MSI2: variants seen among roughly 807,000 people sequenced by gnomAD.
MSI2 encodes musashi RNA binding protein 2.
Under a neutral mutation model 45.6 loss-of-function variants are expected in MSI2, and 17 were observed. The ratio of observed to expected loss-of-function variants is 0.37; its 90% confidence interval spans 0.26 to 0.56. MSI2 has a LOEUF of 0.56. MSI2 is among the 20% of genes least tolerant of loss of function. The probability of loss-of-function intolerance (pLI) is 0.77; values close to 1 mark genes in which losing one functional copy is unlikely to be tolerated. For synonymous variants in MSI2, 156 were observed against 158.2 expected, an observed-to-expected ratio of 0.99 and a Z score of 0.11; for missense variants, 293 against 444.2, an observed-to-expected ratio of 0.66 and a Z score of 3.06.
intron 10 of MSI2, among the ~76,000 whole-genome samples, chr17:57,642,210 T>G (rs1394730697): frequency 1.3e-5 from 2 of 152,166 alleles, no homozygotes; most frequent in Non-Finnish European, 2.9e-5. Context: ...GCTCAGTAGT[T>G]TTTTTTAACT....
Position 57,679,768 on chromosome 17 carries a change from G to T in MSI2, c.*251G>T, listed in dbSNP as rs11538393. On this transcript the variant is annotated 3_prime_UTR_variant, in exon 14 of 14. Coordinates refer to ENST00000284073, the MANE Select transcript of MSI2 (RefSeq NM_138962.4). ...GTATATAACCCATGATTTCGGTTTT[G>T]TTTTGTTTTGTTTTTCTTGATGGTT... The T allele has an allele frequency of 3.5e-6, 1 of 286,858 alleles. No homozygotes were observed. The highest frequency in any genetic ancestry group is 6.0e-6 in the Non-Finnish European group (1 of 167,228). The allele number at this position is 286,858 out of a possible 1,614,324, so 17.8% of individuals were successfully genotyped here.
At chr17:57,445,766 C>T (rs2084887877) in intron 6 of MSI2, among the ~76,000 whole-genome samples, 2 of 152,094 alleles carry the variant, frequency 1.3e-5, no homozygotes, top group South Asian at 2.1e-4. Flanking sequence ...TACCAGTGTT[C>T]CCCGGAGGTG....
intron 7 of MSI2, among the ~76,000 whole-genome samples, chr17:57,547,173 G>A (rs1002368689): frequency 6.6e-5 from 10 of 152,196 alleles, no homozygotes; most frequent in Non-Finnish European, 1.0e-4. Flanking sequence ...TGATGTGTTG[G>A]TAGGACAGGT....
chr17:57,597,697 G>T (rs17834681), intron 8 of MSI2, among the ~76,000 whole-genome samples: 22 of 152,094 alleles, frequency 1.4e-4, no homozygotes, highest in Admixed American at 2.0e-4. Context: ...CAGGCAGAAG[G>T]GCGGGATTTG....
chr17:57,683,632 C>G lies in MSI2; in HGVS notation c.*4115C>G. On this transcript the variant is annotated 3_prime_UTR_variant, in exon 14 of 14. Coordinates refer to ENST00000284073, the MANE Select transcript of MSI2 (RefSeq NM_138962.4). This position sits in a 1 kb window ranked among gnomAD's most constrained non-coding sequence, Gnocchi z 5.2. ...TTCTCTTTATTGGTTGCAAGTGGCA[C>G]GCAGGAACAGAGGGAGAGTGGGGGG... The G allele has an allele frequency of 4.3e-6, 1 of 231,324 alleles. No homozygotes were observed. Among genetic ancestry groups the G allele is most frequent in the East Asian group, 6.1e-5 (1 of 16,400 alleles). The allele number at this position is 231,324 out of a possible 1,614,324, so 14.3% of individuals were successfully genotyped here.
intron 10 of MSI2, among the ~76,000 whole-genome samples, chr17:57,645,899 T>C (rs1910618650): frequency 6.6e-6 from 1 of 152,194 alleles, no homozygotes; most frequent in Admixed American, 6.5e-5. Flanking sequence ...CCATTTGCCA[T>C]AGCTGTGTCC....
chr17:57,690,211 A>G, the MSI2 span, among the ~76,000 whole-genome samples: 1 of 131,418 alleles, frequency 7.6e-6, no homozygotes, highest in Non-Finnish European at 1.6e-5. Context: ...TGTGATTTTT[A>G]TTTGTATTTC....
At chr17:57,594,007 G>A (rs1021411907) in intron 7 of MSI2, among the ~76,000 whole-genome samples, 2 of 152,208 alleles carry the variant, frequency 1.3e-5, no homozygotes, top group African/African-American at 2.4e-5. Context: ...AAGGAAGAGC[G>A]GAATCAGTCT....
chr17:57,622,461 G>A (rs1040789802), intron 9 of MSI2, among the ~76,000 whole-genome samples: 4 of 152,146 alleles, frequency 2.6e-5, no homozygotes, highest in African/African-American at 4.8e-5. Flanking sequence ...ATGCTGATAC[G>A]AGTGTTAGAG....
At chr17:57,648,458 C>T (rs8074795) in intron 10 of MSI2, among the ~76,000 whole-genome samples, 102,079 of 152,026 alleles carry the variant, frequency 0.67, 34,897 homozygotes, top group African/African-American at 0.78. Context: ...AGCTAGTAAG[C>T]GGCTGAGCCA....
chr17:57,456,926 T>TGAACCCG (rs1176049681), intron 6 of MSI2, among the ~76,000 whole-genome samples: 2 of 152,200 alleles, frequency 1.3e-5, no homozygotes, highest in African/African-American at 4.8e-5. Context: ...CCAATCTCCA[T>TGAACCCG]GCACCCGGGT....
At chr17:57,363,774 A>ACG (rs1464889076) in intron 5 of MSI2, among the ~76,000 whole-genome samples, 2 of 113,022 alleles carry the variant, frequency 1.8e-5, no homozygotes, top group African/African-American at 1.0e-4. Flanking sequence ...AACAACAACA[A>ACG]ACAACAACAA....
At chr17:57,286,529 T>G (rs1207089228) in intron 5 of MSI2, among the ~76,000 whole-genome samples, 1 of 151,836 alleles carries the variant, frequency 6.6e-6, no homozygotes, top group African/African-American at 2.4e-5. Flanking sequence ...TCTGGAGTGT[T>G]TAAGAGGTAA....
intron 5 of MSI2, among the ~76,000 whole-genome samples, chr17:57,397,858 G>C (rs1040305981): frequency 6.6e-6 from 1 of 152,216 alleles, no homozygotes; most frequent in Non-Finnish European, 1.5e-5. Flanking sequence ...ACGTTTGGAA[G>C]GTTTTGATTA....
chr17:57,378,693 G>A (rs189909953), intron 5 of MSI2, among the ~76,000 whole-genome samples: 7 of 152,260 alleles, frequency 4.6e-5, no homozygotes, highest in African/African-American at 1.2e-4. Flanking sequence ...CACCATGCCC[G>A]GCCCATTTCT....
chr17:57,680,888 C>G lies in MSI2; in HGVS notation c.*1371C>G, dbSNP rs1007274384. ...TTGCCTCTCTTCTCCCCCTGCCCCC[C>G]ACCCTGCTCCCACATCTGGGGGCCC... On this transcript the variant is annotated 3_prime_UTR_variant, in exon 14 of 14. Transcript: ENST00000284073. The G allele has an allele frequency of 4.9e-6, 1 of 202,930 alleles. No individual in the cohort carries two copies. The highest frequency in any genetic ancestry group is 6.0e-5 in the Admixed American group (1 of 16,692). The allele number at this position is 202,930 out of a possible 1,614,324, so 12.6% of individuals were successfully genotyped here.
intron 5 of MSI2, among the ~76,000 whole-genome samples, chr17:57,270,212 G>A (rs557159550): frequency 9.2e-5 from 14 of 152,202 alleles, no homozygotes; most frequent in South Asian, 4.2e-4. Context: ...GCATAGTACC[G>A]AGACTATACA....
chr17:57,697,143 G>GACACACACACACATACACACACAC, the MSI2 span, among the ~76,000 whole-genome samples: 762 of 54,106 alleles, frequency 0.014, 36 homozygotes, highest in East Asian at 0.11. Context: ...TCGCCAGCAG[G>GACACACACACACATACACACACAC]ACACACACAC....
At chr17:57,442,120 T>A (rs902442018) in intron 6 of MSI2, among the ~76,000 whole-genome samples, 1 of 151,530 alleles carries the variant, frequency 6.6e-6, no homozygotes, top group East Asian at 1.9e-4. Context: ...CACTGGGTCC[T>A]CCACCTCCCG....
Sources: allele counts gnomAD v4.1 joint callset (sites outside exome capture counted in the v4.1 genomes callset), GRCh38; gene constraint gnomAD v4.1.1; non-coding constraint Gnocchi (gnomAD v3.1); transcripts MANE v1.5; gene names NCBI Gene and HGNC (gene_info 2026-07-23, HGNC 2026-07-21).